The following RALYL variants were observed in gnomAD, a reference collection of about 807,000 sequenced individuals.
RALYL encodes the protein RALY RNA binding protein like, also known as RNA-binding Raly-like protein.
RALYL carries 29 observed loss-of-function variants against 35.1 expected under a neutral mutation model. That is an observed-to-expected ratio of 0.83 (90% CI 0.61 to 1.13). The LOEUF is 1.13. Among genes scored for constraint, RALYL ranks in the 50% most tolerant of loss-of-function variants. The probability of loss-of-function intolerance (pLI) is 0.00; values close to 1 mark genes in which losing one functional copy is unlikely to be tolerated. For synonymous variants in RALYL, 120 were observed against 127.6 expected, an observed-to-expected ratio of 0.94 and a Z score of 0.40; for missense variants, 359 against 360.4, an observed-to-expected ratio of 1.00 and a Z score of 0.03.
chr8:84,892,292 T>A (rs1843988421), intron 8 of RALYL, among the ~76,000 whole-genome samples: 1 of 152,108 alleles, frequency 6.6e-6, no homozygotes, highest in Non-Finnish European at 1.5e-5. Context: ...TTGTCTCAAG[T>A]AGCTTAGTGT....
chr8:84,329,385 G>A (rs1490593613), intron 1 of RALYL, among the ~76,000 whole-genome samples: 2 of 151,892 alleles, frequency 1.3e-5, no homozygotes, highest in Non-Finnish European at 2.9e-5. Flanking sequence ...CATGTTTATT[G>A]GCCACTTGTA....
intron 1 of RALYL, among the ~76,000 whole-genome samples, chr8:84,318,226 C>T (rs1157480142): frequency 1.3e-5 from 2 of 152,192 alleles, no homozygotes; most frequent in Non-Finnish European, 2.9e-5. Flanking sequence ...ACTGCACAAG[C>T]TGCATGCCTG....
At chr8:84,605,756 G>A (rs537081059) in intron 2 of RALYL, among the ~76,000 whole-genome samples, 15 of 152,054 alleles carry the variant, frequency 9.9e-5, no homozygotes, top group African/African-American at 1.2e-4. Context: ...TGGCCCAACC[G>A]GTATGAACTC....
intron 2 of RALYL, among the ~76,000 whole-genome samples, chr8:84,696,460 G>A (rs557236059): frequency 6.6e-6 from 1 of 151,828 alleles, no homozygotes; most frequent in African/African-American, 2.4e-5. Flanking sequence ...GGTCTTAGAA[G>A]CTGGGAGCCA....
At chr8:84,443,164 G>A (rs570371447) in intron 1 of RALYL, among the ~76,000 whole-genome samples, 57 of 151,246 alleles carry the variant, frequency 3.8e-4, no homozygotes, top group African/African-American at 1.3e-3. Flanking sequence ...CTTTACAGAA[G>A]AGGAACTCAT....
chr8:84,446,040 T>G (rs1317847178), intron 1 of RALYL, among the ~76,000 whole-genome samples: 1 of 151,974 alleles, frequency 6.6e-6, no homozygotes, highest in Non-Finnish European at 1.5e-5. Context: ...AAATTTAGAT[T>G]TCCTTGTTTT....
At chr8:84,659,914 G>A (rs1830594870) in intron 2 of RALYL, among the ~76,000 whole-genome samples, 1 of 152,114 alleles carries the variant, frequency 6.6e-6, no homozygotes, top group Admixed American at 6.6e-5. Flanking sequence ...ATCATTAAAA[G>A]ATAAAGTTAG....
Position 84,486,534 on chromosome 8 carries a change from C to A in RALYL, c.-23-42765C>A, listed in dbSNP as rs142217464. On this transcript the variant is annotated intron_variant, in intron 1 of 8. Coordinates refer to ENST00000521268, the MANE Select transcript of RALYL (RefSeq NM_173848.7). ...AGAGGATTTAAACAGATATGTTGAT[C>A]TGTCTATGCTCATATTTGGTCAGAG... Among the ~76,000 whole-genome samples, 807 of 151,878 alleles carry A rather than the reference C, an allele frequency of 5.3e-3. 8 individuals are homozygous for A. Among genetic ancestry groups the A allele is most frequent in the African/African-American group, 0.018 (759 of 41,500 alleles).
At chr8:84,549,073 C>G (rs141775669) in intron 2 of RALYL, among the ~76,000 whole-genome samples, 1 of 152,152 alleles carries the variant, frequency 6.6e-6, no homozygotes, top group African/African-American at 2.4e-5. Flanking sequence ...CTGTCCTGTT[C>G]TCAGAGAGGC....
At position 84,467,830 on chromosome 8, in the gene RALYL, T is replaced by C. The variant is rs1386620889; in HGVS notation, c.-23-61469T>C. Among the ~76,000 whole-genome samples, 7 of 140,412 alleles carry C rather than the reference T, an allele frequency of 5.0e-5. No homozygotes were observed. In the East Asian group the frequency reaches 6.1e-4, roughly 12 times the overall value. The allele number at this position is 140,412 out of a possible 152,430, so 92.1% of individuals were successfully genotyped here. ...TGCTTTATGAATCTGGGTGCTCCTG[T>C]ATTGGGTGCATATATATTTAGGATA... On this transcript the variant is annotated intron_variant, in intron 1 of 8. Coordinates refer to ENST00000521268, the MANE Select transcript of RALYL (RefSeq NM_173848.7).
intron 2 of RALYL, among the ~76,000 whole-genome samples, chr8:84,547,085 A>G (rs907832381): frequency 6.6e-6 from 1 of 152,092 alleles, no homozygotes; most frequent in Admixed American, 6.6e-5. Flanking sequence ...TAAGCCCTGC[A>G]TGCATTAGGT....
At chr8:84,826,412 T>C (rs1829720306) in intron 4 of RALYL, among the ~76,000 whole-genome samples, 1 of 151,422 alleles carries the variant, frequency 6.6e-6, no homozygotes, top group South Asian at 2.1e-4. Context: ...GTATCAGAAA[T>C]AACATAAGTT....
chr8:84,740,112 T>C (rs1469976881), intron 2 of RALYL, among the ~76,000 whole-genome samples: 1 of 151,956 alleles, frequency 6.6e-6, no homozygotes, highest in Non-Finnish European at 1.5e-5. Context: ...TGCTAATACT[T>C]ATGAACGAGC....
intron 1 of RALYL, among the ~76,000 whole-genome samples, chr8:84,400,170 A>C (rs1162615622): frequency 6.6e-6 from 1 of 152,286 alleles, no homozygotes; most frequent in South Asian, 2.1e-4. Flanking sequence ...TGGATTTTGG[A>C]ATATTTGTAT....
chr8:84,240,337 C>A (rs1234080767), intron 1 of RALYL, among the ~76,000 whole-genome samples: 1 of 152,108 alleles, frequency 6.6e-6, no homozygotes, highest in African/African-American at 2.4e-5. Flanking sequence ...CAATTAATGT[C>A]AATTGAGGTA....
chr8:84,248,319 G>C (rs1353156926), intron 1 of RALYL, among the ~76,000 whole-genome samples: 1 of 152,108 alleles, frequency 6.6e-6, no homozygotes, highest in Non-Finnish European at 1.5e-5. Context: ...AGATTAGTCA[G>C]TAGTAGTCCT....
chr8:84,759,038 C>A (rs777125252), intron 2 of RALYL, among the ~76,000 whole-genome samples: 3 of 152,054 alleles, frequency 2.0e-5, no homozygotes, highest in Non-Finnish European at 4.4e-5. Context: ...TATTCCTTTC[C>A]TTGTGGCCCC....
At chr8:84,293,707 T>C (rs931221338) in intron 1 of RALYL, among the ~76,000 whole-genome samples, 6 of 152,176 alleles carry the variant, frequency 3.9e-5, no homozygotes, top group Non-Finnish European at 7.4e-5. Context: ...TAGAATATTA[T>C]TCTTAACAGT....
rs36230993 is a variant in RALYL, at chr8:84,870,577, G to GTA, written c.572-2685_572-2684dup. 2.7e-3 allele frequency among the ~76,000 whole-genome samples: 397 copies of GTA among 148,628 alleles called. 1 individual carries two copies. Among genetic ancestry groups the GTA allele is most frequent in the Middle Eastern group, 0.011 (3 of 282 alleles). On this transcript the variant is annotated intron_variant, in intron 6 of 8. Transcript: ENST00000521268. ...CAATGTCTTCTAAAATATCTGTAAT[G>GTA]TATATATATATATATATATATATGC... is the stretch of plus-strand genomic sequence containing the variant.
Sources: allele counts gnomAD v4.1 joint callset (sites outside exome capture counted in the v4.1 genomes callset), GRCh38; gene constraint gnomAD v4.1.1; transcripts MANE v1.5; gene names NCBI Gene and HGNC (gene_info 2026-07-23, HGNC 2026-07-21).